Variants in OR4K2 observed in about 807,000 individuals in gnomAD.
OR4K2 encodes the protein olfactory receptor 4K2.
A neutral mutation model predicts 10.5 loss-of-function variants in OR4K2; 8 were observed. The ratio of observed to expected loss-of-function variants is 0.76; its 90% CI spans 0.45 to 1.37. The LOEUF (loss-of-function observed/expected upper bound fraction) is 1.37. Among genes scored for constraint, OR4K2 ranks in the 40% most tolerant of loss-of-function variants. The probability of loss-of-function intolerance (pLI) is 0.00; values close to 1 mark genes in which losing one functional copy is unlikely to be tolerated. For missense variants in OR4K2, 547 were observed against 379.5 expected (o/e 1.44, Z -3.67); for synonymous variants, 178 against 133.6 (o/e 1.33, Z -2.29).
Position 19,876,643 on chromosome 14 carries a change from A to T in OR4K2, c.376A>T (p.Ile126Leu). Residue 126 changes from isoleucine (I) to leucine (L), a missense_variant, in exon 2 of 2, where the codon ATA becomes TTA. Coordinates refer to ENST00000641885, the MANE Select transcript of OR4K2 (RefSeq NM_001005501.2). The part of the protein sequence containing the change: ...MAMSFDRYIA[I>L]CKPLHYASVI... ...CATGTCCTTTGATAGGTATATTGCAATATGCAAGCCCCTGCACTATGCTTC... is the reference window on the plus strand; with the variant it reads ...CATGTCCTTTGATAGGTATATTGCATTATGCAAGCCCCTGCACTATGCTTC... 1.2e-6 allele frequency: 2 copies of T among 1,614,164 alleles called. No individual in the cohort carries two copies.
rs1326223631 is a variant in OR4K2, at chr14:19,876,355, G to A, written c.88G>A (p.Val30Met). Residue 30 changes from valine to methionine, a missense_variant, in exon 2 of 2, where the codon GTG becomes ATG. Val to Met is a conservative substitution (Grantham distance 21, BLOSUM62 1). Coordinates refer to ENST00000641885, the MANE Select transcript of OR4K2 (RefSeq NM_001005501.2). ...GGAACTACAGATGTTTTTCTTTATG[G>A]TGTTTTCATTGCTTTATGTGGCAAC... ...SWELQMFFFM[V>M]FSLLYVATMV... is the part of the protein sequence containing the mutation. The A allele has an allele frequency of 6.2e-7, 1 of 1,613,844 alleles. No homozygotes were observed. Among genetic ancestry groups the A allele is most frequent in the Non-Finnish European group, 8.5e-7 (1 of 1,179,876 alleles).
rs1351169932 is a variant in OR4K2 at position 19,877,650 on chromosome 14, A to C, written c.*438A>C. On this transcript the variant is annotated 3_prime_UTR_variant, in exon 2 of 2. Transcript: ENST00000641885. ...GTAGGATCTTAGCCTCTGACAGAGAAGCAATGATTTTCCACATACGTTCCC... is the reference window on the plus strand; with the variant it reads ...GTAGGATCTTAGCCTCTGACAGAGACGCAATGATTTTCCACATACGTTCCC... 3 of 156,116 alleles carry C rather than the reference A, an allele frequency of 1.9e-5. No individual in the cohort carries two copies. The highest frequency in any genetic ancestry group is 4.2e-5 in the Non-Finnish European group (3 of 70,740). 9.7% of individuals were successfully genotyped at this position (156,116 alleles called of 1,614,324 possible). A position where few individuals can be genotyped will look rare whatever the true frequency, so the allele number is the denominator to read the frequency against.
At position 19,881,172 on chromosome 14, in the gene OR4K2, T is replaced by A. The variant is rs921131506; in HGVS notation, c.*3960T>A. 1.3e-5 allele frequency: 2 copies of A among 152,260 alleles called. No homozygotes were observed. The highest frequency in any genetic ancestry group is 4.8e-5 in the African/African-American group (2 of 41,472). 9.4% of individuals were successfully genotyped at this position (152,260 alleles called of 1,614,324 possible). A position where few individuals can be genotyped will look rare whatever the true frequency, so the allele number is the denominator to read the frequency against. Reference sequence around the variant, plus strand: ...TTATTTTGCATGATTTTTGGATGTATATGTCAATTGAAAAACGGGGAGAAG... The same window carrying A: ...TTATTTTGCATGATTTTTGGATGTAAATGTCAATTGAAAAACGGGGAGAAG... On this transcript the variant is annotated 3_prime_UTR_variant, in exon 2 of 2. Coordinates refer to ENST00000641885, the MANE Select transcript of OR4K2 (RefSeq NM_001005501.2).
rs988615841 is a variant in OR4K2 at position 19,877,779 on chromosome 14, G to A, written c.*567G>A. 25 of 152,808 alleles carry A rather than the reference G, an allele frequency of 1.6e-4. No homozygotes were observed. The highest frequency in any genetic ancestry group is 5.5e-4 in the African/African-American group (23 of 41,570). The allele number at this position is 152,808 out of a possible 1,614,324, so 9.5% of individuals were successfully genotyped here. On this transcript the variant is annotated 3_prime_UTR_variant, in exon 2 of 2. Transcript: ENST00000641885. ...TGTTAATGACGTCCATAAAATTGCC[G>A]TAAGTGTAGCAATCTTTACCAACCA...
Position 19,877,571 on chromosome 14 carries a change from T to C in OR4K2, c.*359T>C, listed in dbSNP as rs1446643827. ...ACTGAGTCACTTAGTGAGATGCTCC[T>C]AAAGTATGACAAGCTAGCAAGATTC... On this transcript the variant is annotated 3_prime_UTR_variant, in exon 2 of 2. Coordinates refer to ENST00000641885, the MANE Select transcript of OR4K2 (RefSeq NM_001005501.2). The C allele has an allele frequency of 6.4e-5, 13 of 203,928 alleles. No individual in the cohort carries two copies. The highest frequency in any genetic ancestry group is 2.1e-4 in the African/African-American group (9 of 42,056). 12.6% of individuals were successfully genotyped at this position (203,928 alleles called of 1,614,324 possible). A position where few individuals can be genotyped will look rare whatever the true frequency, so the allele number is the denominator to read the frequency against.
Position 19,880,485 on chromosome 14 carries a change from A to G in OR4K2, c.*3273A>G, listed in dbSNP as rs563260319. ...TGGATATCTTTGTTTATGGGACTTG[A>G]TAGTCTCTTGAGCTAACACTTGACT... On this transcript the variant is annotated 3_prime_UTR_variant, in exon 2 of 2. Transcript: ENST00000641885. 6.6e-6 allele frequency: 1 copy of G among 152,338 alleles called. No homozygotes were observed. Among genetic ancestry groups the G allele is most frequent in the East Asian group, 1.9e-4 (1 of 5,188 alleles). 9.4% of individuals were successfully genotyped at this position (152,338 alleles called of 1,614,324 possible).
rs1164284598 is a variant in OR4K2, at chr14:19,877,293, A to G, written c.*81A>G. The G allele has an allele frequency of 2.1e-6, 2 of 950,854 alleles. No homozygotes were observed. Among genetic ancestry groups the G allele is most frequent in the Non-Finnish European group, 3.1e-6 (2 of 644,552 alleles). The allele number at this position is 950,854 out of a possible 1,614,324, so 58.9% of individuals were successfully genotyped here. On this transcript the variant is annotated 3_prime_UTR_variant, in exon 2 of 2. Transcript: ENST00000641885. ...GGTTCTTACCAAATTGTAATTGCCA[A>G]GAATTTGTGAGGGCTCAAGTTCAGT...
rs1881021842 is a variant in OR4K2, at chr14:19,880,971, T to C, written c.*3759T>C. On this transcript the variant is annotated 3_prime_UTR_variant, in exon 2 of 2. Transcript: ENST00000641885. ...CTGGATTATGCTGCTATATAGAAGT[T>C]CTTGGTAAAATGCTGTTATTTGTGC... is the stretch of plus-strand genomic sequence containing the variant. 1 of 152,228 alleles carries C rather than the reference T, an allele frequency of 6.6e-6. No individual in the cohort carries two copies. Among genetic ancestry groups the C allele is most frequent in the South Asian group, 2.1e-4 (1 of 4,832 alleles). The allele number at this position is 152,228 out of a possible 1,614,324, so 9.4% of individuals were successfully genotyped here. A position where few individuals can be genotyped will look rare whatever the true frequency, so the allele number is the denominator to read the frequency against.
chr14:19,877,239 A>G lies in OR4K2; in HGVS notation c.*27A>G. On this transcript the variant is annotated 3_prime_UTR_variant, in exon 2 of 2. Transcript: ENST00000641885. ...TTTTGTGACACAGAACATTAGACAC[A>G]ATGCTGTGTTAGGCTTTTCTTTCTA... is the stretch of plus-strand genomic sequence containing the variant. The G allele has an allele frequency of 6.9e-7, 1 of 1,438,876 alleles. No homozygotes were observed. Among genetic ancestry groups the G allele is most frequent in the South Asian group, 1.2e-5 (1 of 81,710 alleles). The allele number at this position is 1,438,876 out of a possible 1,614,324, so 89.1% of individuals were successfully genotyped here. A position where few individuals can be genotyped will look rare whatever the true frequency, so the allele number is the denominator to read the frequency against.
chr14:19,879,242 G>C lies in OR4K2; in HGVS notation c.*2030G>C, dbSNP rs985800973. 6.7e-6 allele frequency: 1 copy of C among 149,808 alleles called. No homozygotes were observed. The highest frequency in any genetic ancestry group is 1.5e-5 in the Non-Finnish European group (1 of 67,222). 9.3% of individuals were successfully genotyped at this position (149,808 alleles called of 1,614,324 possible). On this transcript the variant is annotated 3_prime_UTR_variant, in exon 2 of 2. Transcript: ENST00000641885. ...ATTTCTCGGTGGCTTAGTGTGAGGA[G>C]TCAATATTCATGGTACCTCTGCATG...
chr14:19,877,081 T>C lies in OR4K2; in HGVS notation c.814T>C (p.Ser272Pro). The change falls in exon 2 of 2, where the codon TCT becomes CCT. Residue 272 changes from serine (S) to proline (P), a missense_variant. Ser to Pro is a moderately conservative substitution (Grantham distance 74, BLOSUM62 -1). Transcript: ENST00000641885. Reference protein sequence around the residue: ...LSSFLTDKILSVFYTIFTPTL... With the variant: ...LSSFLTDKILPVFYTIFTPTL... Reference sequence around the variant, plus strand: ...CAGCTTTCTCACAGACAAGATTCTGTCTGTGTTTTATACCATCTTTACTCC... The same window carrying C: ...CAGCTTTCTCACAGACAAGATTCTGCCTGTGTTTTATACCATCTTTACTCC... 6.2e-7 allele frequency: 1 copy of C among 1,611,182 alleles called. No homozygotes were observed. The highest frequency in any genetic ancestry group is 8.5e-7 in the Non-Finnish European group (1 of 1,179,912).
rs917422799 is a variant in OR4K2 at position 19,879,627 on chromosome 14, T to C, written c.*2415T>C. 1.3e-5 allele frequency: 2 copies of C among 152,238 alleles called. No individual in the cohort carries two copies. The highest frequency in any genetic ancestry group is 4.8e-5 in the African/African-American group (2 of 41,458). 9.4% of individuals were successfully genotyped at this position (152,238 alleles called of 1,614,324 possible). On this transcript the variant is annotated 3_prime_UTR_variant, in exon 2 of 2. Transcript: ENST00000641885. Reference sequence around the variant, plus strand: ...GCTGTGAAGCTTGACAACAATTGAATGCAGATGGAAAAACTGTTAAAAATC... The same window carrying C: ...GCTGTGAAGCTTGACAACAATTGAACGCAGATGGAAAAACTGTTAAAAATC...
At position 19,876,950 on chromosome 14, in the gene OR4K2, A is replaced by G; in HGVS notation, c.683A>G (p.His228Arg). 6.2e-7 allele frequency: 1 copy of G among 1,614,062 alleles called. No homozygotes were observed. Among genetic ancestry groups the G allele is most frequent in the South Asian group, 1.1e-5 (1 of 91,082 alleles). The part of the protein sequence containing the change: ...YVIVLVTVKH[H>R]SSRGSSKALS... ...ATTGTCCTGGTTACTGTGAAGCATCATTCTTCCAGAGGATCATCTAAGGCC... is the reference window on the plus strand; with the variant it reads ...ATTGTCCTGGTTACTGTGAAGCATCGTTCTTCCAGAGGATCATCTAAGGCC... The change falls in exon 2 of 2, where the codon CAT becomes CGT. Residue 228 changes from histidine to arginine, a missense_variant. By Grantham distance (29) the His-to-Arg change is conservative. Transcript: ENST00000641885.
chr14:19,876,557 G>T lies in OR4K2; in HGVS notation c.290G>T (p.Cys97Phe), dbSNP rs776378368. 1 of 1,614,028 alleles carries T rather than the reference G, an allele frequency of 6.2e-7. No homozygotes were observed. Among genetic ancestry groups the T allele is most frequent in the African/African-American group, 1.3e-5 (1 of 74,922 alleles). ...CACAAAACCATCTCTTTTGATGGCTGCCTTACCCAGATATTCTTTCTCCAC... is the reference window on the plus strand; with the variant it reads ...CACAAAACCATCTCTTTTGATGGCTTCCTTACCCAGATATTCTTTCTCCAC... ...TGHKTISFDG[C>F]LTQIFFLHLF... Residue 97 changes from cysteine (C) to phenylalanine (F), a missense_variant, in exon 2 of 2, where the codon TGC becomes TTC. Physicochemically the swap from Cys to Phe is radical, Grantham distance 205. Transcript: ENST00000641885.
chr14:19,881,012 A>G lies in OR4K2; in HGVS notation c.*3800A>G, dbSNP rs1881022890. On this transcript the variant is annotated 3_prime_UTR_variant, in exon 2 of 2. Transcript: ENST00000641885. ...TTATTTGTGCATATCCAGACTCCTT[A>G]TGAAAGTATTTTCAAATTTAAAAAA... 1 of 126,450 alleles carries G rather than the reference A, an allele frequency of 7.9e-6. No individual in the cohort carries two copies. The highest frequency in any genetic ancestry group is 1.7e-5 in the Non-Finnish European group (1 of 60,224). The allele number at this position is 126,450 out of a possible 1,614,324, so 7.8% of individuals were successfully genotyped here.
In OR4K2 at chr14:19,876,841, A is replaced by G. The variant is rs749907994; in HGVS notation, c.574A>G (p.Thr192Ala). The change falls in exon 2 of 2, where the codon ACT (threonine) becomes GCT (alanine). Residue 192 changes from threonine (T) to alanine (A), a missense_variant. Coordinates refer to ENST00000641885, the MANE Select transcript of OR4K2 (RefSeq NM_001005501.2). ...GGTGTTCCAGTTGGCTTGTGTGGAT[A>G]CTTATGTTCTGGGCCTCTTTATGAT... ...PVVFQLACVD[T>A]YVLGLFMIST... The G allele has an allele frequency of 6.8e-6, 11 of 1,614,044 alleles. No individual in the cohort carries two copies. The highest frequency in any genetic ancestry group is 1.3e-5 in the African/African-American group (1 of 74,916).
In OR4K2 at chr14:19,881,421, G is replaced by A. The variant is rs1881033469; in HGVS notation, c.*4209G>A. On this transcript the variant is annotated 3_prime_UTR_variant, in exon 2 of 2. Coordinates refer to ENST00000641885, the MANE Select transcript of OR4K2 (RefSeq NM_001005501.2). Reference sequence around the variant, plus strand: ...TCAAATGAGACTGGAAATGTGACTGGGATCATTGATTCATGTATTCTGTCT... The same window carrying A: ...TCAAATGAGACTGGAAATGTGACTGAGATCATTGATTCATGTATTCTGTCT... 1 of 152,064 alleles carries A rather than the reference G, an allele frequency of 6.6e-6. No individual in the cohort carries two copies. The highest frequency in any genetic ancestry group is 2.4e-5 in the African/African-American group (1 of 41,378). The allele number at this position is 152,064 out of a possible 1,614,324, so 9.4% of individuals were successfully genotyped here.
chr14:19,880,496 A>G lies in OR4K2; in HGVS notation c.*3284A>G, dbSNP rs1881010732. 6.6e-6 allele frequency: 1 copy of G among 152,244 alleles called. No homozygotes were observed. The highest frequency in any genetic ancestry group is 1.5e-5 in the Non-Finnish European group (1 of 68,044). The allele number at this position is 152,244 out of a possible 1,614,324, so 9.4% of individuals were successfully genotyped here. On this transcript the variant is annotated 3_prime_UTR_variant, in exon 2 of 2. Transcript: ENST00000641885. ...GTTTATGGGACTTGATAGTCTCTTG[A>G]GCTAACACTTGACTTGTTTAATTTA...
rs530322837 is a variant in OR4K2 at position 19,881,369 on chromosome 14, T to C, written c.*4157T>C. 3 of 152,234 alleles carry C rather than the reference T, an allele frequency of 2.0e-5. No homozygotes were observed. The highest frequency in any genetic ancestry group is 4.4e-5 in the Non-Finnish European group (3 of 68,048). 9.4% of individuals were successfully genotyped at this position (152,234 alleles called of 1,614,324 possible). A position where few individuals can be genotyped will look rare whatever the true frequency, so the allele number is the denominator to read the frequency against. ...ACACCATGAGGTAAATATGCACAAA[T>C]TATTCTGGAGCGTGTAGGACCAACA... On this transcript the variant is annotated 3_prime_UTR_variant, in exon 2 of 2. Transcript: ENST00000641885.
Sources: gnomAD v4.1 joint callset for allele counts on GRCh38, gnomAD v4.1.1 for gene constraint, MANE v1.5 for transcripts, NCBI Gene and HGNC (gene_info 2026-07-23, HGNC 2026-07-21) for gene names.